Variants in CFAP92 observed in about 807,000 individuals in gnomAD.
The protein encoded by CFAP92 is cilia and flagella associated protein 92 (putative).
A neutral mutation model predicts 106.3 loss-of-function variants in CFAP92; 86 were observed. The ratio of observed to expected loss-of-function variants is 0.81; its 90% CI spans 0.68 to 0.97. The LOEUF is 0.97. Among genes scored for constraint, CFAP92 ranks in the 50% least tolerant of loss-of-function variants. The pLI is 0.00. For missense variants in CFAP92, 1,204 were observed against 1,283.8 expected, an observed-to-expected ratio of 0.94 and a Z score of 0.95; for synonymous variants, 477 against 506.4, an observed-to-expected ratio of 0.94 and a Z score of 0.78.
At chr3:128,971,674 A>T (rs1049338660) in intron 7 of CFAP92, among the ~76,000 whole-genome samples, 1 of 152,198 alleles carries the variant, frequency 6.6e-6, no homozygotes, top group Non-Finnish European at 1.5e-5. Context: ...GCCTCTGCTA[A>T]CTGAGAACAC....
At chr3:128,999,196 A>G (rs1404870916) in intron 1 of CFAP92, among the ~76,000 whole-genome samples, 1 of 152,210 alleles carries the variant, frequency 6.6e-6, no homozygotes, top group Non-Finnish European at 1.5e-5. Context: ...AAAGAACGCA[A>G]GGAGACCTCT....
chr3:128,945,254 G>C lies in CFAP92; in HGVS notation c.2075C>G (p.Ser692Cys). 1.3e-6 allele frequency: 2 copies of C among 1,536,162 alleles called. No individual in the cohort carries two copies. Among genetic ancestry groups the C allele is most frequent in the Non-Finnish European group, 1.7e-6 (2 of 1,146,916 alleles). The change falls in exon 10 of 16, where the codon TCC (serine) becomes TGC (cysteine). Residue 692 changes from serine (S) to cysteine (C), a missense_variant. Ser to Cys is a moderately radical substitution (Grantham distance 112, BLOSUM62 -1). Coordinates refer to ENST00000645291, the MANE Select transcript of CFAP92 (RefSeq NM_001394090.1). ...MINAKALGLD[S>C]YPVRTLQQIL... Reference sequence around the variant, plus strand: ...CTGCTGCAGGGTCCTGACAGGGTAGGAGTCCAGGCCGAGGGCCTTAGCGTT... The same window carrying C: ...CTGCTGCAGGGTCCTGACAGGGTAGCAGTCCAGGCCGAGGGCCTTAGCGTT...
In CFAP92 at chr3:128,977,060, T is replaced by C. The variant is rs867353863; in HGVS notation, c.815A>G (p.His272Arg). The change falls in exon 6 of 16, where the codon CAC becomes CGC. Residue 272 changes from histidine (H) to arginine (R), a missense_variant. By Grantham distance (29) the His-to-Arg change is conservative. Transcript: ENST00000645291. ...EKHPKSLQGS[H>R]QAEPETSSKN... ...GGAAGAAGTTTCGGGCTCTGCTTGG[T>C]GAGAACCTGAAAACAGTAGCAAATA... The C allele has an allele frequency of 6.2e-7, 1 of 1,613,552 alleles. No homozygotes were observed. Among genetic ancestry groups the C allele is most frequent in the Admixed American group, 1.7e-5 (1 of 60,004 alleles).
At chr3:129,021,859 A>G in the CFAP92 span, among the ~76,000 whole-genome samples, 73 of 152,290 alleles carry the variant, frequency 4.8e-4, no homozygotes, top group African/African-American at 1.6e-3. Context: ...TTTCTCTTTT[A>G]AATTACCATT....
chr3:128,956,196 T>TAAAAAAAAAATAAAAAAAAAAAAAAAAA (rs1941379225), intron 9 of CFAP92, among the ~76,000 whole-genome samples: 1 of 61,702 alleles, frequency 1.6e-5, no homozygotes, highest in African/African-American at 9.2e-5. Flanking sequence ...AAAAAAAAAA[T>TAAAAAAAAAATAAAAAAAAAAAAAAAAA]AAAAAAAAAA....
chr3:129,021,835 C>T, the CFAP92 span, among the ~76,000 whole-genome samples: 1 of 152,134 alleles, frequency 6.6e-6, no homozygotes, highest in African/African-American at 2.4e-5. Flanking sequence ...TATCATAAAA[C>T]TCCTTTCCTT....
rs1211640928 is a variant in CFAP92, at chr3:128,910,202, G to C, written c.*97C>G. 1 of 1,596,260 alleles carries C rather than the reference G, an allele frequency of 6.3e-7. No individual in the cohort carries two copies. Among genetic ancestry groups the C allele is most frequent in the East Asian group, 2.2e-5 (1 of 44,882 alleles). ...CCTGGCTGCTGCCATCTGTCCTGCT[G>C]CACTTTAATGAAGTTGATTGTTGAG... On this transcript the variant is annotated 3_prime_UTR_variant, in exon 16 of 16. Coordinates refer to ENST00000645291, the MANE Select transcript of CFAP92 (RefSeq NM_001394090.1).
intron 10 of CFAP92, among the ~76,000 whole-genome samples, chr3:128,939,776 TCAC>T (rs1939445585): frequency 6.6e-6 from 1 of 152,116 alleles, no homozygotes; most frequent in African/African-American, 2.4e-5. Context: ...GCACCTCAGA[TCAC>T]CAGGCATTAG....
At chr3:128,986,470 C>A (rs1943863580) in intron 4 of CFAP92, among the ~76,000 whole-genome samples, 2 of 151,188 alleles carry the variant, frequency 1.3e-5, no homozygotes, top group South Asian at 4.2e-4. Flanking sequence ...AAACTCCTGC[C>A]TCAGCCTCCC....
At chr3:128,915,034 A>T (rs1936689919) in intron 15 of CFAP92, 85 bp downstream of exon 15, 2 of 1,344,902 alleles carry the variant, frequency 1.5e-6, no homozygotes, top group Non-Finnish European at 2.0e-6. Context: ...AACAAAATGG[A>T]TACCACTGAA....
intron 12 of CFAP92, among the ~76,000 whole-genome samples, chr3:128,924,802 G>A (rs1937548081): frequency 6.6e-6 from 1 of 152,212 alleles, no homozygotes; most frequent in Admixed American, 6.5e-5. Context: ...AGCAGAACAT[G>A]TTCCACATGC....
At chr3:128,943,373 C>T (rs988683061) in intron 10 of CFAP92, among the ~76,000 whole-genome samples, 11 of 151,942 alleles carry the variant, frequency 7.2e-5, no homozygotes, top group African/African-American at 1.9e-4. Context: ...CTTGCCCTCC[C>T]GAGTGGTTAT....
the CFAP92 span, among the ~76,000 whole-genome samples, chr3:129,012,706 G>A: frequency 2.1e-4 from 32 of 152,186 alleles, no homozygotes; most frequent in Admixed American, 4.6e-4. Flanking sequence ...ATAGAAGTGG[G>A]ACAACTCCCA....
At chr3:129,002,484 CT>C in intron 1 of CFAP92, 2 of 1,330,560 alleles carry the variant, frequency 1.5e-6, no homozygotes, top group Non-Finnish European at 1.9e-6. Context: ...CATCTTGCCC[CT>C]GTTCCTCCCC....
At chr3:129,009,339 TACC>T in the CFAP92 span, among the ~76,000 whole-genome samples, 1 of 152,200 alleles carries the variant, frequency 6.6e-6, no homozygotes, top group African/African-American at 2.4e-5. Context: ...CACGTAGTGT[TACC>T]ACGATATACT....
In CFAP92 at chr3:128,932,953, G is replaced by A. The variant is rs61738926; in HGVS notation, c.2498C>T (p.Thr833Met). The change falls in exon 12 of 16, where the codon ACG becomes ATG. Residue 833 changes from threonine (T) to methionine (M), a missense_variant. Thr to Met is a moderately conservative substitution (Grantham distance 81). Transcript: ENST00000645291. The stretch of plus-strand genomic sequence containing the variant: ...AGAGGAGGGCAGCAGGTCCCTCACC[G>A]TCACGTCCCAGAGGGTGGTGCTGTT... ...CYNSTTLWDV[T>M]VRDLLPSSAM... 0.019 allele frequency: 29,586 copies of A among 1,536,052 alleles called. 845 individuals carry two copies. Among genetic ancestry groups the A allele is most frequent in the South Asian group, 0.1 (8,484 of 84,060 alleles).
At chr3:128,961,158 C>T (rs1396753665) in intron 9 of CFAP92, among the ~76,000 whole-genome samples, 1 of 152,198 alleles carries the variant, frequency 6.6e-6, no homozygotes, top group Non-Finnish European at 1.5e-5. Context: ...GAAAATGGCA[C>T]TTTAAATTTT....
At chr3:128,910,834 G>A in intron 15 of CFAP92, 2 of 1,613,788 alleles carry the variant, frequency 1.2e-6, no homozygotes, top group South Asian at 1.1e-5. Context: ...TGTCTTGGGG[G>A]AGGGAAGGAA....
At chr3:128,934,692 G>A (rs539878227) in intron 11 of CFAP92, among the ~76,000 whole-genome samples, 1 of 152,012 alleles carries the variant, frequency 6.6e-6, no homozygotes, top group East Asian at 1.9e-4. Context: ...CACTACACCT[G>A]GCTAATTTTT....
Sources: gnomAD v4.1 joint callset for allele counts (sites outside exome capture counted in the v4.1 genomes callset) on GRCh38, gnomAD v4.1.1 for gene constraint, MANE v1.5 for transcripts, NCBI Gene and HGNC (gene_info 2026-07-23, HGNC 2026-07-21) for gene names.